Variants in TSPAN7 observed in about 807,000 individuals in gnomAD.
The protein encoded by TSPAN7 is tetraspanin-7.
In TSPAN7, 1 loss-of-function variant was observed where a neutral mutation model predicts 17.6. The observed-to-expected ratio is 0.06, with a 90% CI of 0.02 to 0.27. The LOEUF (loss-of-function observed/expected upper bound fraction) is 0.27, where lower values mean the gene tolerates loss of function less well. Among genes scored for constraint, TSPAN7 ranks in the 10% least tolerant of loss-of-function variants. TSPAN7 has a pLI of 1.00. For synonymous variants in TSPAN7, 78 were observed against 79.0 expected, an observed-to-expected ratio of 0.99 and a Z score of 0.07; for missense variants, 112 against 201.7, an observed-to-expected ratio of 0.56 and a Z score of 2.69.
At position 38,675,776 on chromosome X, in the gene TSPAN7, C is replaced by T; in HGVS notation, c.513C>T (p.Pro171=). 8.3e-7 allele frequency: 1 copy of T among 1,211,311 alleles called. No individual in the cohort carries two copies. The highest frequency in any genetic ancestry group is 1.1e-6 in the Non-Finnish European group (1 of 895,386). The change falls in exon 5 of 8, where the codon CCC becomes CCT. Residue 171 remains proline, a synonymous_variant. Transcript: ENST00000378482. ...TSPYFLEHGI[P]PSCCMNETDC... is the part of the protein sequence containing the mutation. ...CCTACTTCCTGGAGCATGGCATCCCCCCCAGCTGCTGCATGAACGAAACTG... is the reference window on the plus strand; with the variant it reads ...CCTACTTCCTGGAGCATGGCATCCCTCCCAGCTGCTGCATGAACGAAACTG...
intron 1 of TSPAN7, among the ~76,000 whole-genome samples, chrX:38,606,486 C>T (rs1000961011): frequency 5.4e-5 from 6 of 111,560 alleles, no homozygotes; most frequent in Admixed American, 3.8e-4. Flanking sequence ...GGTGCCCAGA[C>T]GAGCCAGAGC....
chrX:38,563,236 A>C lies in TSPAN7; in HGVS notation c.81+1609A>C. ...CAAGGCAAACACAGAAACGGACTTT[A>C]TTTGGACTGACAACGACACAGGTTG... On this transcript the variant is annotated intron_variant, in intron 1 of 7. Coordinates refer to ENST00000378482, the MANE Select transcript of TSPAN7 (RefSeq NM_004615.4). 6 of 661,767 alleles carry C rather than the reference A, an allele frequency of 9.1e-6. No homozygotes were observed. In the South Asian group the frequency reaches 1.8e-4, roughly 19 times the overall value. The allele number at this position is 661,767 out of a possible 1,213,427, so 54.5% of individuals were successfully genotyped here.
chrX:38,680,796 G>A (rs140063343), intron 5 of TSPAN7, among the ~76,000 whole-genome samples: 4,115 of 111,291 alleles, frequency 0.037, 193 homozygotes, highest in African/African-American at 0.13. Flanking sequence ...TCAAGGATGC[G>A]GAATGTCTTT....
At chrX:38,587,829 T>C (rs745498332) in intron 1 of TSPAN7, among the ~76,000 whole-genome samples, 28 of 112,115 alleles carry the variant, frequency 2.5e-4, no homozygotes, top group Non-Finnish European at 3.2e-4. Context: ...AGGTCTTTTT[T>C]ATTCCTGCAG....
intron 1 of TSPAN7, among the ~76,000 whole-genome samples, chrX:38,628,115 C>T (rs2069531005): frequency 8.9e-6 from 1 of 112,746 alleles, no homozygotes; most frequent in Non-Finnish European, 1.9e-5. Flanking sequence ...TGAGCAATGT[C>T]CAGAAATAGG....
intron 1 of TSPAN7, among the ~76,000 whole-genome samples, chrX:38,563,827 T>G (rs1203422360): frequency 1.1e-4 from 12 of 111,783 alleles, no homozygotes; most frequent in African/African-American, 3.3e-4. Flanking sequence ...GTTGTAATCA[T>G]TTCATACTTA....
At chrX:38,604,736 G>A (rs1310035960) in intron 1 of TSPAN7, among the ~76,000 whole-genome samples, 5 of 110,688 alleles carry the variant, frequency 4.5e-5, no homozygotes, top group East Asian at 2.8e-4. Context: ...TCATCCCTGG[G>A]ATGCAAGGCT....
chrX:38,600,798 C>G (rs138179390), intron 1 of TSPAN7, among the ~76,000 whole-genome samples: 1,223 of 111,896 alleles, frequency 0.011, 8 homozygotes, highest in Non-Finnish European at 0.017. Flanking sequence ...TTTCTAATAG[C>G]AATGGGCATT....
In TSPAN7 at chrX:38,608,274, C is replaced by T. The variant is rs1213910560; in HGVS notation, c.81+46647C>T. 5 of 109,919 alleles carry T rather than the reference C, an allele frequency of 4.5e-5. No homozygotes were observed. In the South Asian group the frequency reaches 1.9e-3, roughly 43 times the overall value. The allele number at this position is 109,919 out of a possible 1,213,427, so 9.1% of individuals were successfully genotyped here. A position where few individuals can be genotyped will look rare whatever the true frequency, so the allele number is the denominator to read the frequency against. On this transcript the variant is annotated intron_variant, in intron 1 of 7. Coordinates refer to ENST00000378482, the MANE Select transcript of TSPAN7 (RefSeq NM_004615.4). Reference sequence around the variant, plus strand: ...GCTTTCCGGTTTTTACCAGAAAGCCCCCCCACCAAAAAATATATATATATA... The same window carrying T: ...GCTTTCCGGTTTTTACCAGAAAGCCTCCCCACCAAAAAATATATATATATA...
rs1481883286 is a variant in TSPAN7, at chrX:38,681,162, G to T, written c.598-42G>T. ...GAGTACACATAGCCCAGCTTGGCCT[G>T]AGTGAAAACATGTCTCCAAGACAGT... On this transcript the variant is annotated intron_variant, in intron 5 of 7. Coordinates refer to ENST00000378482, the MANE Select transcript of TSPAN7 (RefSeq NM_004615.4). 5.3e-6 allele frequency: 6 copies of T among 1,122,927 alleles called. No individual in the cohort carries two copies. In the East Asian group the frequency reaches 9.0e-5, roughly 17 times the overall value. The allele number at this position is 1,122,927 out of a possible 1,213,427, so 92.5% of individuals were successfully genotyped here.
At position 38,596,711 on chromosome X, in the gene TSPAN7, C is replaced by T. The variant is rs376672369; in HGVS notation, c.81+35084C>T. On this transcript the variant is annotated intron_variant, in intron 1 of 7. Coordinates refer to ENST00000378482, the MANE Select transcript of TSPAN7 (RefSeq NM_004615.4). The stretch of plus-strand genomic sequence containing the variant: ...CAGAAGTTACATTATTCACAAGTTC[C>T]CAGGGGATTCACGGGCACACTAAAG... Among the ~76,000 whole-genome samples, 240 of 110,975 alleles carry T rather than the reference C, an allele frequency of 2.2e-3. 1 individual carries two copies. The highest frequency in any genetic ancestry group is 9.2e-3 in the South Asian group (24 of 2,602).
chrX:38,681,457 C>G (rs1048261311), intron 6 of TSPAN7, among the ~76,000 whole-genome samples, 170 bp downstream of exon 6: 2 of 112,237 alleles, frequency 1.8e-5, no homozygotes, highest in Admixed American at 1.9e-4. Context: ...TCTTTTTCAA[C>G]TCAAATGAAG....
chrX:38,575,042 CTT>C (rs2069186771), intron 1 of TSPAN7, among the ~76,000 whole-genome samples: 1 of 111,538 alleles, frequency 9.0e-6, no homozygotes, highest in South Asian at 3.8e-4. Flanking sequence ...AAGAATCAAA[CTT>C]TTATGTTATG....
chrX:38,639,728 A>G (rs992256228), intron 1 of TSPAN7, among the ~76,000 whole-genome samples: 6 of 108,233 alleles, frequency 5.5e-5, no homozygotes, highest in Non-Finnish European at 9.6e-5. Flanking sequence ...TTGGGTGAGA[A>G]TGTATGCACT....
intron 1 of TSPAN7, among the ~76,000 whole-genome samples, chrX:38,570,381 A>G (rs1051943339): frequency 8.9e-6 from 1 of 111,934 alleles, no homozygotes; most frequent in Non-Finnish European, 1.9e-5. Flanking sequence ...ACATTTGGGG[A>G]ACATTAAGTC....
intron 7 of TSPAN7, 41 bp from the exon 8 acceptor site, chrX:38,687,898 A>C (rs1470533451): frequency 9.0e-6 from 3 of 334,032 alleles, no homozygotes; most frequent in African/African-American, 2.6e-5. Context: ...TCAAGTCCTT[A>C]TTACTGGTGA....
intron 1 of TSPAN7, among the ~76,000 whole-genome samples, chrX:38,659,832 T>C (rs1346023846): frequency 1.1e-5 from 1 of 92,123 alleles, no homozygotes; most frequent in African/African-American, 4.0e-5. Flanking sequence ...TCTTTTTTTT[T>C]TTTTTTTTTT....
intron 1 of TSPAN7, among the ~76,000 whole-genome samples, chrX:38,623,335 A>G (rs2069499911): frequency 1.8e-5 from 2 of 111,130 alleles, no homozygotes; most frequent in East Asian, 5.7e-4. Context: ...TCCTCCCAAT[A>G]ATCATGAAGA....
chrX:38,663,050 A>G (rs969235627), intron 1 of TSPAN7, among the ~76,000 whole-genome samples: 1 of 110,733 alleles, frequency 9.0e-6, no homozygotes, highest in Non-Finnish European at 1.9e-5. Context: ...GTCATTATAC[A>G]AAAAAGAAAC....
Sources: allele counts gnomAD v4.1 joint callset (sites outside exome capture counted in the v4.1 genomes callset), GRCh38; gene constraint gnomAD v4.1.1; transcripts MANE v1.5; gene names NCBI Gene and HGNC (gene_info 2026-07-23, HGNC 2026-07-21).